The following PPARGC1A variants were observed in gnomAD, a reference collection of about 807,000 sequenced individuals.
The protein encoded by PPARGC1A is PPARG coactivator 1 alpha.
A neutral mutation model predicts 88.7 loss-of-function variants in PPARGC1A; 25 were observed. The ratio of observed to expected loss-of-function variants is 0.28; its 90% CI spans 0.21 to 0.39. The LOEUF (loss-of-function observed/expected upper bound fraction) is 0.39, where lower values mean the gene tolerates loss of function less well. PPARGC1A is among the 10% of genes least tolerant of loss of function. PPARGC1A has a pLI of 1.00. For missense variants in PPARGC1A, 880 were observed against 968.7 expected, an observed-to-expected ratio of 0.91 and a Z score of 1.22; for synonymous variants, 363 against 355.6, an observed-to-expected ratio of 1.02 and a Z score of -0.24.
the PPARGC1A span, among the ~76,000 whole-genome samples, chr4:24,472,287 C>G: frequency 6.6e-6 from 1 of 151,808 alleles, no homozygotes; most frequent in Non-Finnish European, 1.5e-5. This position sits in a 1 kb window ranked among gnomAD's most constrained non-coding sequence, Gnocchi z 4.5. Context: ...CACCCCCTCC[C>G]GAGCCTCTGC....
At chr4:24,049,537 A>G in the PPARGC1A span, among the ~76,000 whole-genome samples, 2 of 152,024 alleles carry the variant, frequency 1.3e-5, no homozygotes, top group African/African-American at 4.8e-5. Context: ...GAAATTGTCC[A>G]TCTGAAAGAC....
At chr4:23,974,563 T>A in the PPARGC1A span, among the ~76,000 whole-genome samples, 1 of 152,174 alleles carries the variant, frequency 6.6e-6, no homozygotes, top group Admixed American at 6.5e-5. Context: ...TTGAAAAGGT[T>A]AGGAAATTAC....
chr4:23,980,745 C>G, the PPARGC1A span, among the ~76,000 whole-genome samples: 1 of 152,144 alleles, frequency 6.6e-6, no homozygotes, highest in Non-Finnish European at 1.5e-5. Flanking sequence ...ACTAGATATT[C>G]TACCCCTACC....
the PPARGC1A span, among the ~76,000 whole-genome samples, chr4:24,088,365 A>G: frequency 6.6e-6 from 1 of 152,208 alleles, no homozygotes; most frequent in East Asian, 1.9e-4. Flanking sequence ...CTATCTAAAA[A>G]AAAAGAAAGA....
chr4:24,303,292 C>G, the PPARGC1A span, among the ~76,000 whole-genome samples: 1 of 152,116 alleles, frequency 6.6e-6, no homozygotes, highest in Admixed American at 6.5e-5. Context: ...GAGAGATTAT[C>G]AACATAGAAA....
At chr4:24,144,568 C>T in the PPARGC1A span, among the ~76,000 whole-genome samples, 1 of 152,030 alleles carries the variant, frequency 6.6e-6, no homozygotes, top group Admixed American at 6.6e-5. Flanking sequence ...AGGGATGACA[C>T]TGATCCCTGC....
the PPARGC1A span, among the ~76,000 whole-genome samples, chr4:24,417,806 G>C: frequency 1.3e-5 from 2 of 151,978 alleles, no homozygotes; most frequent in Non-Finnish European, 1.5e-5. Context: ...AAAATTTATA[G>C]ATGATATAAA....
At chr4:24,258,142 C>T in the PPARGC1A span, 74 of 804,386 alleles carry the variant, frequency 9.2e-5, no homozygotes, top group Non-Finnish European at 1.1e-4. Flanking sequence ...CAAGAGCAGA[C>T]ATTTGGTATT....
chr4:23,921,231 C>T, the PPARGC1A span, among the ~76,000 whole-genome samples: 6 of 152,196 alleles, frequency 3.9e-5, no homozygotes, highest in Non-Finnish European at 7.3e-5. Flanking sequence ...CCTGGGAAAA[C>T]AGTAAACAAC....
the PPARGC1A span, among the ~76,000 whole-genome samples, chr4:24,118,501 T>C: frequency 2.6e-5 from 4 of 152,258 alleles, no homozygotes; most frequent in Middle Eastern, 3.4e-3. Flanking sequence ...TTTTGTCTAA[T>C]TGCCCTACAC....
chr4:23,866,854 C>CG (rs34148568), intron 2 of PPARGC1A, among the ~76,000 whole-genome samples: 1 of 152,000 alleles, frequency 6.6e-6, no homozygotes, highest in Non-Finnish European at 1.5e-5. Flanking sequence ...AGATACCGCC[C>CG]GGGGGTGCTT....
Position 23,828,447 on chromosome 4 carries a change from G to T in PPARGC1A, c.710C>A (p.Thr237Asn). 6.2e-7 allele frequency: 1 copy of T among 1,614,002 alleles called. No homozygotes were observed. The highest frequency in any genetic ancestry group is 8.5e-7 in the Non-Finnish European group (1 of 1,179,952). ...ENRNSSRDKC[T>N]SKKKSHTQSQ... is the part of the protein sequence containing the mutation. ...CTGTGTGTGGGACTTCTTTTTGGAGGTGCATTTGTCTCTGCTGCTGTTTCT... is the reference window on the plus strand; with the variant it reads ...CTGTGTGTGGGACTTCTTTTTGGAGTTGCATTTGTCTCTGCTGCTGTTTCT... The change falls in exon 5 of 13, where the codon ACC becomes AAC. Residue 237 changes from threonine (T) to asparagine (N), a missense_variant. Coordinates refer to ENST00000264867, the MANE Select transcript of PPARGC1A (RefSeq NM_013261.5).
chr4:24,214,361 A>T, the PPARGC1A span, among the ~76,000 whole-genome samples: 1 of 152,344 alleles, frequency 6.6e-6, no homozygotes, highest in Non-Finnish European at 1.5e-5. Flanking sequence ...CTAAGGATTA[A>T]GGGAAGCTGG....
the PPARGC1A span, among the ~76,000 whole-genome samples, chr4:24,181,354 G>A: frequency 6.6e-6 from 1 of 152,064 alleles, no homozygotes; most frequent in East Asian, 1.9e-4. Flanking sequence ...CATATTATTA[G>A]TCATTTAGTT....
chr4:24,452,963 G>C, the PPARGC1A span, among the ~76,000 whole-genome samples: 1 of 152,222 alleles, frequency 6.6e-6, no homozygotes, highest in African/African-American at 2.4e-5. Context: ...AACACCCAGT[G>C]CCTTAGAATG....
the PPARGC1A span, among the ~76,000 whole-genome samples, chr4:23,975,294 G>A: frequency 6.6e-6 from 1 of 152,078 alleles, no homozygotes; most frequent in African/African-American, 2.4e-5. Flanking sequence ...ACAGTTTGTT[G>A]GGTGGCATTT....
chr4:23,811,021 G>C (rs895612667), intron 10 of PPARGC1A, among the ~76,000 whole-genome samples: 1 of 152,166 alleles, frequency 6.6e-6, no homozygotes, highest in African/African-American at 2.4e-5. Context: ...TCATTTGGAA[G>C]TTGAGAAAAA....
chr4:24,073,694 T>C, the PPARGC1A span, among the ~76,000 whole-genome samples: 1 of 152,156 alleles, frequency 6.6e-6, no homozygotes, highest in African/African-American at 2.4e-5. Context: ...TATCACCATT[T>C]TACAGATGGG....
At chr4:23,914,386 G>T in the PPARGC1A span, among the ~76,000 whole-genome samples, 1 of 152,024 alleles carries the variant, frequency 6.6e-6, no homozygotes, top group Non-Finnish European at 1.5e-5. Context: ...ATACACTGTT[G>T]GGCAGCAATT....
Sources: gnomAD v4.1 joint callset for allele counts (sites outside exome capture counted in the v4.1 genomes callset) on GRCh38, gnomAD v4.1.1 for gene constraint, Gnocchi (gnomAD v3.1) non-coding constraint, MANE v1.5 for transcripts, NCBI Gene and HGNC (gene_info 2026-07-23, HGNC 2026-07-21) for gene names.